Variants in AAMP observed in about 807,000 individuals in gnomAD.
AAMP encodes angio-associated migratory cell protein.
AAMP carries 12 observed loss-of-function variants against 51.1 expected under a neutral mutation model. That is an observed-to-expected ratio of 0.23 (90% CI 0.15 to 0.38). The LOEUF is 0.38. AAMP is among the 10% of genes least tolerant of loss of function. The pLI is 1.00. For missense variants in AAMP, 418 were observed against 557.2 expected (o/e 0.75, Z 2.52); for synonymous variants, 210 against 218.7 (o/e 0.96, Z 0.35).
In AAMP at chr2:218,270,134, A is replaced by G; in HGVS notation, c.-48T>C. The G allele has an allele frequency of 6.2e-7, 1 of 1,604,244 alleles. No homozygotes were observed. The highest frequency in any genetic ancestry group is 8.5e-7 in the Non-Finnish European group (1 of 1,174,464). On this transcript the variant is annotated 5_prime_UTR_variant, in exon 1 of 11. Coordinates refer to ENST00000248450, the MANE Select transcript of AAMP (RefSeq NM_001087.5). ...TTCTCTGGGCCCAAACGCCTCCCAG[A>G]GTCAGCTCTGCGCGACGACGCGGAA...
rs1690595112 is a variant in AAMP, at chr2:218,265,256, A to G, written c.1075-82T>C. The G allele has an allele frequency of 1.3e-6, 2 of 1,557,084 alleles. No homozygotes were observed. The highest frequency in any genetic ancestry group is 1.7e-6 in the Non-Finnish European group (2 of 1,150,056). ...CTGCTCCCAATTCTCAAAGAGGGAC[A>G]GCCACACACAAGGGCCAGGCAGGAG... On this transcript the variant is annotated intron_variant, in intron 9 of 10. Transcript: ENST00000248450. The surrounding 1 kb of genome is among the most constrained non-coding windows in gnomAD (Gnocchi z 6.6).
In AAMP at chr2:218,264,493, G is replaced by A. The variant is rs372786613; in HGVS notation, c.*40C>T. Reference sequence around the variant, plus strand: ...GGCAGACAGGGGCAGGGGTCCCTTCGTCCCCTCAACACCAGACACACAGGC... The same window carrying A: ...GGCAGACAGGGGCAGGGGTCCCTTCATCCCCTCAACACCAGACACACAGGC... On this transcript the variant is annotated 3_prime_UTR_variant, in exon 11 of 11. Coordinates refer to ENST00000248450, the MANE Select transcript of AAMP (RefSeq NM_001087.5). 1.7e-4 allele frequency: 268 copies of A among 1,592,274 alleles called. 1 individual carries two copies. Among genetic ancestry groups the A allele is most frequent in the South Asian group, 1.5e-3 (135 of 90,636 alleles).
intron 2 of AAMP, among the ~76,000 whole-genome samples, chr2:218,268,950 G>A (rs898270428): frequency 1.3e-5 from 2 of 152,064 alleles, no homozygotes; most frequent in Non-Finnish European, 2.9e-5. Context: ...GCCTGCCTGG[G>A]CCTCCTAAAG....
intron 10 of AAMP, among the ~76,000 whole-genome samples, 192 bp downstream of exon 10, chr2:218,264,828 T>C (rs1344037389): frequency 6.6e-6 from 1 of 152,148 alleles, no homozygotes; most frequent in Non-Finnish European, 1.5e-5. Flanking sequence ...AGCCTCTCCC[T>C]CATGACTGAG....
At position 218,266,458 on chromosome 2, in the gene AAMP, G is replaced by T. The variant is rs777864942; in HGVS notation, c.664C>A (p.Arg222=). The change falls in exon 5 of 11, where the codon CGA becomes AGA. Residue 222 remains arginine (R), a synonymous_variant. Coordinates refer to ENST00000248450, the MANE Select transcript of AAMP (RefSeq NM_001087.5). This position sits in a 1 kb window ranked among gnomAD's most constrained non-coding sequence, Gnocchi z 4.7. ...QGPNCPATCG[R]VLPDGKRAVV... ...GTGCTCTCACCATCAGGGAGGACTC[G>T]GCCACAGGTGGCTGGGCAGTTGGGA... The T allele has an allele frequency of 1.4e-5, 23 of 1,613,874 alleles. No individual in the cohort carries two copies. The highest frequency in any genetic ancestry group is 1.6e-4 in the Middle Eastern group (1 of 6,084).
At position 218,264,410 on chromosome 2, in the gene AAMP, C is replaced by T; in HGVS notation, c.*123G>A. 1 of 943,532 alleles carries T rather than the reference C, an allele frequency of 1.1e-6. No individual in the cohort carries two copies. The highest frequency in any genetic ancestry group is 1.7e-6 in the Non-Finnish European group (1 of 587,832). The allele number at this position is 943,532 out of a possible 1,614,324, so 58.4% of individuals were successfully genotyped here. The stretch of plus-strand genomic sequence containing the variant: ...GAGGGGAGCAAGTCAGTTGAAGAGG[C>T]TGGAAAGTCATCCAGGGCCCCACCC... On this transcript the variant is annotated 3_prime_UTR_variant, in exon 11 of 11. Coordinates refer to ENST00000248450, the MANE Select transcript of AAMP (RefSeq NM_001087.5).
In AAMP at chr2:218,268,170, T is replaced by C. The variant is rs371368339; in HGVS notation, c.275-557A>G. 1.7e-3 allele frequency among the ~76,000 whole-genome samples: 258 copies of C among 151,830 alleles called. 2 individuals are homozygous for C. Among genetic ancestry groups the C allele is most frequent in the African/African-American group, 5.8e-3 (241 of 41,372 alleles). Reference sequence around the variant, plus strand: ...TTTTAGTAGAGATGGGGTTTCATCATGTTGGTCAGGCTGGTCTCGAACTCC... The same window carrying C: ...TTTTAGTAGAGATGGGGTTTCATCACGTTGGTCAGGCTGGTCTCGAACTCC... On this transcript the variant is annotated intron_variant, in intron 2 of 10. Coordinates refer to ENST00000248450, the MANE Select transcript of AAMP (RefSeq NM_001087.5).
chr2:218,269,392 T>C lies in AAMP; in HGVS notation c.264A>G (p.Ala88=), dbSNP rs1385479259. 1 of 1,614,052 alleles carries C rather than the reference T, an allele frequency of 6.2e-7. No individual in the cohort carries two copies. Among genetic ancestry groups the C allele is most frequent in the South Asian group, 1.1e-5 (1 of 91,086 alleles). The change falls in exon 2 of 11, where the codon GCA becomes GCG. Residue 88 remains alanine (A), a synonymous_variant. Transcript: ENST00000248450. ...EGPDDSEVTF[A]LHSASVFCVS... ...GCCTCAAAGACCTACCTGAGTGCAATGCAAAGGTGACCTCGCTATCGTCGG... is the reference window on the plus strand; with the variant it reads ...GCCTCAAAGACCTACCTGAGTGCAACGCAAAGGTGACCTCGCTATCGTCGG...
rs969211414 is a variant in AAMP at position 218,266,206 on chromosome 2, G to A, written c.680-59C>T. On this transcript the variant is annotated intron_variant, in intron 5 of 10. Coordinates refer to ENST00000248450, the MANE Select transcript of AAMP (RefSeq NM_001087.5). The surrounding 1 kb of genome is among the most constrained non-coding windows in gnomAD (Gnocchi z 4.7). ...GGCACGCTCACATACACTAAGCAAG[G>A]GAATGGGGAGAGGGAGAGGAAAGAA... The A allele has an allele frequency of 2.0e-6, 3 of 1,505,896 alleles. No homozygotes were observed. The highest frequency in any genetic ancestry group is 1.4e-5 in the African/African-American group (1 of 72,812). 93.3% of individuals were successfully genotyped at this position (1,505,896 alleles called of 1,614,324 possible). A position where few individuals can be genotyped will look rare whatever the true frequency, so the allele number is the denominator to read the frequency against.
intron 2 of AAMP, 50 bp downstream of exon 2, chr2:218,269,332 C>T (rs1574612699): frequency 6.2e-7 from 1 of 1,609,516 alleles, no homozygotes. Flanking sequence ...ATGTTTAATG[C>T]TTACACGCCC....
At position 218,266,353 on chromosome 2, in the gene AAMP, G is replaced by A; in HGVS notation, c.679+90C>T. The A allele has an allele frequency of 6.5e-7, 1 of 1,545,044 alleles. No individual in the cohort carries two copies. Among genetic ancestry groups the A allele is most frequent in the Non-Finnish European group, 8.8e-7 (1 of 1,136,640 alleles). On this transcript the variant is annotated intron_variant, in intron 5 of 10. Transcript: ENST00000248450. This position sits in a 1 kb window ranked among gnomAD's most constrained non-coding sequence, Gnocchi z 4.7. ...AAACAGCAGGCCTCAGATTTTGCCG[G>A]CTGTGACCCAGAAGGCTGCTCTGGG...
rs781088055 is a variant in AAMP at position 218,270,046 on chromosome 2, G to A, written c.41C>T (p.Pro14Leu). Residue 14 changes from proline (P) to leucine (L), a missense_variant, in exon 1 of 11, where the codon CCC becomes CTC. Coordinates refer to ENST00000248450, the MANE Select transcript of AAMP (RefSeq NM_001087.5). ...ATGGAAGCTTAGGGTCTCCAGTGGG[G>A]GGGTGTCAGCAGCAGCCCCGCTTTC... is the stretch of plus-strand genomic sequence containing the variant. ...ESESGAAADT[P>L]PLETLSFHGD... 4 of 1,614,132 alleles carry A rather than the reference G, an allele frequency of 2.5e-6. No individual in the cohort carries two copies. Among genetic ancestry groups the A allele is most frequent in the Admixed American group, 3.3e-5 (2 of 60,024 alleles).
Position 218,269,999 on chromosome 2 carries a change from C to T in AAMP, c.88G>A (p.Val30Met). ...GGCGGACCGGGATCAAGTTCTACCA[C>T]CTCGATAATCTCTTCATCACCATGG... ...SFHGDEEIIE[V>M]VELDPGPPDP... The change falls in exon 1 of 11, where the codon GTG becomes ATG. Residue 30 changes from valine to methionine, a missense_variant. Physicochemically the swap from Val to Met is conservative, Grantham distance 21. Coordinates refer to ENST00000248450, the MANE Select transcript of AAMP (RefSeq NM_001087.5). The T allele has an allele frequency of 6.2e-7, 1 of 1,614,148 alleles. No homozygotes were observed. Among genetic ancestry groups the T allele is most frequent in the Non-Finnish European group, 8.5e-7 (1 of 1,180,020 alleles).
rs1303989940 is a variant in AAMP at position 218,265,453 on chromosome 2, A to C, written c.992T>G (p.Leu331Arg). ...ESLGFCSVMP[L>R]AAVGYLDGTL... is the part of the protein sequence containing the mutation. ...CCCATCCAGGTAGCCAACAGCTGCC[A>C]GGGGCATCCTGGCCAGAGGAGCGTA... Residue 331 changes from leucine to arginine, a missense_variant, in exon 9 of 11, where the codon CTG (leucine) becomes CGG (arginine). Leu to Arg is a moderately radical substitution (Grantham distance 102). Transcript: ENST00000248450. This position sits in a 1 kb window ranked among gnomAD's most constrained non-coding sequence, Gnocchi z 6.6. 1 of 1,571,132 alleles carries C rather than the reference A, an allele frequency of 6.4e-7. No individual in the cohort carries two copies.
Position 218,266,241 on chromosome 2 carries a change from G to C in AAMP, c.680-94C>G. 7.3e-7 allele frequency: 1 copy of C among 1,372,116 alleles called. No individual in the cohort carries two copies. The highest frequency in any genetic ancestry group is 1.0e-6 in the Non-Finnish European group (1 of 971,802). The allele number at this position is 1,372,116 out of a possible 1,614,324, so 85.0% of individuals were successfully genotyped here. ...GAGGGAGAGGAAAGAAGAGTGGAAG[G>C]GCCCAGACACTGCCCCAGGAATCAC... On this transcript the variant is annotated intron_variant, in intron 5 of 10. Coordinates refer to ENST00000248450, the MANE Select transcript of AAMP (RefSeq NM_001087.5). The surrounding 1 kb of genome is among the most constrained non-coding windows in gnomAD (Gnocchi z 4.7).
Position 218,266,116 on chromosome 2 carries a change from C to G in AAMP, c.711G>C (p.Gly237=). ...GKRAVVGYED[G]TIRIWDLKQG... is the part of the protein sequence containing the mutation. Reference sequence around the variant, plus strand: ...GCTTCAGGTCCCAAATCCTGATGGTCCCATCTTCATAGCCTACCACAGCTC... The same window carrying G: ...GCTTCAGGTCCCAAATCCTGATGGTGCCATCTTCATAGCCTACCACAGCTC... Residue 237 remains glycine (G), a synonymous_variant, in exon 6 of 11, where the codon GGG becomes GGC. Transcript: ENST00000248450. This position sits in a 1 kb window ranked among gnomAD's most constrained non-coding sequence, Gnocchi z 4.7. 6.2e-7 allele frequency: 1 copy of G among 1,614,152 alleles called. No individual in the cohort carries two copies.
chr2:218,265,062 T>G lies in AAMP; in HGVS notation c.1187A>C (p.Tyr396Ser). The change falls in exon 10 of 11, where the codon TAC becomes TCC. Residue 396 changes from tyrosine (Y) to serine (S), a missense_variant. By Grantham distance (144) the Tyr-to-Ser change is moderately radical (BLOSUM62 -2). Coordinates refer to ENST00000248450, the MANE Select transcript of AAMP (RefSeq NM_001087.5). The surrounding 1 kb of genome is among the most constrained non-coding windows in gnomAD (Gnocchi z 6.6). ...DARTGRLLTD[Y>S]RGHTAEILDF... ...CAGGATCTCAGCCGTGTGGCCCCGG[T>G]AGTCAGTAAGCAGGCGGCCGGTCCG... is the stretch of plus-strand genomic sequence containing the variant. 6.2e-7 allele frequency: 1 copy of G among 1,613,804 alleles called. No homozygotes were observed. The highest frequency in any genetic ancestry group is 8.5e-7 in the Non-Finnish European group (1 of 1,180,002).
chr2:218,266,995 A>G lies in AAMP; in HGVS notation c.395-9T>C, dbSNP rs962265140. ...CACAGAGTCTTTATGGCCTTCAAAG[A>G]AAAGTGGGCAGAAAACAGAGGAAAA... On this transcript the variant is annotated splice_polypyrimidine_tract_variant and intron_variant, in intron 3 of 10. Coordinates refer to ENST00000248450, the MANE Select transcript of AAMP (RefSeq NM_001087.5). The surrounding 1 kb of genome is among the most constrained non-coding windows in gnomAD (Gnocchi z 4.7). The G allele has an allele frequency of 2.5e-6, 4 of 1,611,646 alleles. No homozygotes were observed. The highest frequency in any genetic ancestry group is 3.3e-5 in the Admixed American group (2 of 59,902).
In AAMP at chr2:218,269,498, T is replaced by C. The variant is rs141356609; in HGVS notation, c.158A>G (p.Glu53Gly). 1,035 of 1,614,172 alleles carry C rather than the reference T, an allele frequency of 6.4e-4. No homozygotes were observed. The highest frequency in any genetic ancestry group is 8.0e-4 in the Non-Finnish European group (939 of 1,180,038). The change falls in exon 2 of 11, where the codon GAG (glutamate) becomes GGG (glycine). Residue 53 changes from glutamate (E) to glycine (G), a missense_variant. Glu to Gly is a moderately conservative substitution (Grantham distance 98). Coordinates refer to ENST00000248450, the MANE Select transcript of AAMP (RefSeq NM_001087.5). ...LAQEMEDVDF[E>G]EEEEEEGNEE... The stretch of plus-strand genomic sequence containing the variant: ...GTTGCCCTCTTCCTCCTCTTCTTCC[T>C]CAAAGTCCACATCTTCCATCTCCTG...
Sources: allele counts gnomAD v4.1 joint callset (sites outside exome capture counted in the v4.1 genomes callset), GRCh38; gene constraint gnomAD v4.1.1; non-coding constraint Gnocchi (gnomAD v3.1); transcripts MANE v1.5; gene names NCBI Gene and HGNC (gene_info 2026-07-23, HGNC 2026-07-21).